FOXN3: variants seen among roughly 807,000 people sequenced by gnomAD.
FOXN3 encodes the protein forkhead box protein N3.
FOXN3 carries 7 observed loss-of-function variants against 38.4 expected under a neutral mutation model. That is an observed-to-expected ratio of 0.18 (90% confidence interval 0.10 to 0.34). The LOEUF is 0.34. FOXN3 is among the 10% of genes least tolerant of loss of function. The probability of loss-of-function intolerance (pLI) is 1.00; values close to 1 mark genes in which losing one functional copy is unlikely to be tolerated. For missense variants in FOXN3, 456 were observed against 613.4 expected (o/e 0.74, Z 2.71); for synonymous variants, 230 against 242.2 (o/e 0.95, Z 0.47).
intron 4 of FOXN3, among the ~76,000 whole-genome samples, chr14:89,181,085 C>T (rs1005438939): frequency 6.6e-6 from 1 of 151,894 alleles, no homozygotes; most frequent in Non-Finnish European, 1.5e-5. Context: ...CACGTGCACA[C>T]ACACACGGGG....
intron 1 of FOXN3, among the ~76,000 whole-genome samples, chr14:89,522,069 T>C (rs1894331850): frequency 6.6e-6 from 1 of 151,130 alleles, no homozygotes. Flanking sequence ...AAGATAATGG[T>C]AGATTTCTCA....
At chr14:89,528,208 C>T (rs1372953917) in intron 1 of FOXN3, among the ~76,000 whole-genome samples, 1 of 152,036 alleles carries the variant, frequency 6.6e-6, no homozygotes, top group Non-Finnish European at 1.5e-5. Context: ...CATACAGAGA[C>T]TGGTACACAA....
At chr14:89,357,954 T>C (rs1889304067) in intron 2 of FOXN3, among the ~76,000 whole-genome samples, 1 of 152,162 alleles carries the variant, frequency 6.6e-6, no homozygotes, top group African/African-American at 2.4e-5. Flanking sequence ...AGCTCATAAA[T>C]GTCATGGTAG....
At chr14:89,610,748 C>T (rs957083891) in intron 1 of FOXN3, among the ~76,000 whole-genome samples, 1 of 152,184 alleles carries the variant, frequency 6.6e-6, no homozygotes, top group Non-Finnish European at 1.5e-5. Flanking sequence ...TCTTCACCCT[C>T]GTATCCCTAT....
intron 1 of FOXN3, among the ~76,000 whole-genome samples, chr14:89,563,344 C>T (rs1368465581): frequency 6.6e-6 from 1 of 152,206 alleles, no homozygotes; most frequent in East Asian, 1.9e-4. Flanking sequence ...TCTATCTCAT[C>T]TGATTCTCAG....
In FOXN3 at chr14:89,312,087, C is replaced by T. The variant is rs185461191; in HGVS notation, c.681-31073G>A. Among the ~76,000 whole-genome samples the T allele has an allele frequency of 5.4e-3, 816 of 151,898 alleles. 3 individuals are homozygous for T. Among genetic ancestry groups the T allele is most frequent in the Non-Finnish European group, 8.6e-3 (584 of 67,946 alleles). On this transcript the variant is annotated intron_variant, in intron 3 of 5. Transcript: ENST00000557258. ...ATCATTTGAGGTCAGGAGTTTGAGA[C>T]CAGCCTGGCCAACATGGTGAAACCC...
At chr14:89,494,170 G>A (rs1339675880) in intron 1 of FOXN3, 1 of 152,136 alleles carries the variant, frequency 6.6e-6, no homozygotes, top group African/African-American at 2.4e-5. Flanking sequence ...TGCGATATCA[G>A]AAACCTGCAA....
intron 2 of FOXN3, among the ~76,000 whole-genome samples, chr14:89,355,792 C>T (rs1889195417): frequency 6.6e-6 from 1 of 152,140 alleles, no homozygotes; most frequent in African/African-American, 2.4e-5. Context: ...GTTTGGTATC[C>T]ACTGATCTAG....
intron 2 of FOXN3, among the ~76,000 whole-genome samples, chr14:89,407,104 G>T (rs552523028): frequency 1.3e-5 from 2 of 152,218 alleles, no homozygotes; most frequent in South Asian, 4.1e-4. Context: ...GGATGACCAG[G>T]CTTCTGGAAG....
At chr14:89,238,916 G>A (rs955338656) in intron 4 of FOXN3, among the ~76,000 whole-genome samples, 1 of 152,070 alleles carries the variant, frequency 6.6e-6, no homozygotes, top group Non-Finnish European at 1.5e-5. Flanking sequence ...CACCCTTGCC[G>A]CCACGGAAAT....
Position 89,465,432 on chromosome 14 carries a change from A to C in FOXN3, c.-14-52942T>G, listed in dbSNP as rs554665175. The stretch of plus-strand genomic sequence containing the variant: ...TTTAGTAGAGACGGGTTTTCAACAC[A>C]TTGGGTAGGATGGTCTCAATCTCTT... On this transcript the variant is annotated intron_variant, in intron 1 of 6. Transcript: ENST00000345097. Among the ~76,000 whole-genome samples, 64 of 151,964 alleles carry C rather than the reference A, an allele frequency of 4.2e-4. 2 individuals carry two copies. Among genetic ancestry groups the C allele is most frequent in the Admixed American group, 8.5e-4 (13 of 15,266 alleles).
intron 1 of FOXN3, among the ~76,000 whole-genome samples, chr14:89,605,873 G>A (rs1896264361): frequency 6.6e-6 from 1 of 152,124 alleles, no homozygotes; most frequent in Non-Finnish European, 1.5e-5. Flanking sequence ...CCAGCACTTT[G>A]AGAGACTAAC....
chr14:89,404,109 G>A lies in FOXN3; in HGVS notation c.543+7825C>T, dbSNP rs1393920783. Among the ~76,000 whole-genome samples the A allele has an allele frequency of 2.6e-5, 4 of 152,082 alleles. No homozygotes were observed. The East Asian group carries it at 7.7e-4, about 29-fold the overall frequency. On this transcript the variant is annotated intron_variant, in intron 2 of 5. Transcript: ENST00000557258. Reference sequence around the variant, plus strand: ...AAGTTTGTTGAATAAATGAATGAATGAGCAGACAAATGAAAGGTTTGCCAG... The same window carrying A: ...AAGTTTGTTGAATAAATGAATGAATAAGCAGACAAATGAAAGGTTTGCCAG...
intron 1 of FOXN3, among the ~76,000 whole-genome samples, chr14:89,605,178 A>C (rs1451254681): frequency 6.6e-6 from 1 of 151,734 alleles, no homozygotes; most frequent in Non-Finnish European, 1.5e-5. Flanking sequence ...AAAAAAACAC[A>C]AAAAAAACAA....
intron 1 of FOXN3, among the ~76,000 whole-genome samples, chr14:89,533,218 G>A (rs8022075): frequency 0.056 from 8,531 of 152,172 alleles, 577 homozygotes; most frequent in African/African-American, 0.15. Flanking sequence ...CACACATGAG[G>A]CCCCTTGTTC....
chr14:89,607,083 G>A (rs1896290152), intron 1 of FOXN3, among the ~76,000 whole-genome samples: 1 of 152,180 alleles, frequency 6.6e-6, no homozygotes, highest in African/African-American at 2.4e-5. Context: ...GTTAAAGTCT[G>A]ACAATATTAA....
chr14:89,291,010 G>A, intron 3 of FOXN3: 1 of 451,748 alleles, frequency 2.2e-6, no homozygotes. Context: ...CCCGTGGTGT[G>A]GTGCTCCTTG....
chr14:89,266,637 T>A (rs566399473), intron 4 of FOXN3, among the ~76,000 whole-genome samples: 12 of 152,228 alleles, frequency 7.9e-5, no homozygotes, highest in Admixed American at 5.2e-4. Context: ...GAGATTACAG[T>A]CTGGCTGGAA....
intron 2 of FOXN3, among the ~76,000 whole-genome samples, chr14:89,392,807 ATTT>A (rs35499441): frequency 3.0e-5 from 4 of 133,872 alleles, no homozygotes; most frequent in Admixed American, 7.6e-5. Flanking sequence ...CGCCCAGCTA[ATTT>A]TTTTTTTTTT....
Sources: allele counts gnomAD v4.1 joint callset (sites outside exome capture counted in the v4.1 genomes callset), GRCh38; gene constraint gnomAD v4.1.1; transcripts MANE v1.5; gene names NCBI Gene and HGNC (gene_info 2026-07-23, HGNC 2026-07-21).